Variants in MBNL2 observed in about 807,000 individuals in gnomAD.
The protein encoded by MBNL2 is muscleblind like splicing regulator 2, also known as muscleblind-like protein 2.
MBNL2 carries 17 observed loss-of-function variants against 41.9 expected under a neutral mutation model. That is an observed-to-expected ratio of 0.41 (90% CI 0.28 to 0.61). The LOEUF is 0.61. MBNL2 is among the 20% of genes least tolerant of loss of function. MBNL2 has a pLI of 0.35. For missense variants in MBNL2, 336 were observed against 505.6 expected (o/e 0.66, Z 3.22); for synonymous variants, 195 against 182.9 (o/e 1.07, Z -0.53).
chr13:97,152,931 T>C, the MBNL2 span, among the ~76,000 whole-genome samples: 2 of 152,076 alleles, frequency 1.3e-5, no homozygotes, highest in South Asian at 4.2e-4. Context: ...CAGTGGTAAA[T>C]CTAGAGAATA....
the MBNL2 span, among the ~76,000 whole-genome samples, chr13:97,150,650 G>T: frequency 1.3e-5 from 2 of 152,148 alleles, no homozygotes; most frequent in Non-Finnish European, 2.9e-5. Context: ...AACAATTGGG[G>T]CTGTTTATGC....
rs1190724998 is a variant in MBNL2 at position 97,291,335 on chromosome 13, G to A, written c.174+14926G>A. On this transcript the variant is annotated intron_variant, in intron 2 of 8. Coordinates refer to ENST00000679496, the MANE Select transcript of MBNL2 (RefSeq NM_001382683.1). The stretch of plus-strand genomic sequence containing the variant: ...TGGCTCACTGTACCCTCTGCCTCCC[G>A]GGTTCAAGCGATTCTCCTGCCTCAG... Among the ~76,000 whole-genome samples the A allele has an allele frequency of 4.6e-5, 7 of 151,890 alleles. No individual in the cohort carries two copies. In the East Asian group the frequency reaches 7.8e-4, roughly 17 times the overall value.
the MBNL2 span, among the ~76,000 whole-genome samples, chr13:97,188,910 C>G: frequency 6.6e-6 from 1 of 151,940 alleles, no homozygotes; most frequent in African/African-American, 2.4e-5. Context: ...CCCTCTGAAA[C>G]CGCTACACCT....
intron 2 of MBNL2, among the ~76,000 whole-genome samples, chr13:97,293,858 A>G (rs1457016585): frequency 6.6e-6 from 1 of 151,888 alleles, no homozygotes; most frequent in East Asian, 1.9e-4. Context: ...TTACATGAGT[A>G]AGTTCTTTAC....
At chr13:97,264,793 C>G (rs2049396481) in intron 1 of MBNL2, among the ~76,000 whole-genome samples, 1 of 152,202 alleles carries the variant, frequency 6.6e-6, no homozygotes, top group Non-Finnish European at 1.5e-5. Context: ...GAAAGTGGTT[C>G]TGTCCACCCA....
the MBNL2 span, among the ~76,000 whole-genome samples, chr13:97,148,281 C>T: frequency 5.9e-5 from 9 of 151,978 alleles, no homozygotes; most frequent in African/African-American, 2.2e-4. Flanking sequence ...GACAATTCTG[C>T]CTGTAGGACC....
At position 97,334,008 on chromosome 13, in the gene MBNL2, AAG is replaced by A. The variant is rs144525170; in HGVS notation, c.175-259_175-258del. Among the ~76,000 whole-genome samples, 1 of 141,542 alleles carries A rather than the reference AAG, an allele frequency of 7.1e-6. No individual in the cohort carries two copies. The highest frequency in any genetic ancestry group is 1.5e-5 in the Non-Finnish European group (1 of 65,392). The allele number at this position is 141,542 out of a possible 152,430, so 92.9% of individuals were successfully genotyped here. On this transcript the variant is annotated intron_variant, in intron 2 of 8. Coordinates refer to ENST00000679496, the MANE Select transcript of MBNL2 (RefSeq NM_001382683.1). The surrounding 1 kb of genome is among the most constrained non-coding windows in gnomAD (Gnocchi z 5.3). ...GGAGGGAAAGAAAGAGAAAGAGAGA[AAG>A]AGAGAGAGGGAGGGAGGGAGGGAAA...
At chr13:97,339,980 T>G (rs1305726943) in intron 3 of MBNL2, among the ~76,000 whole-genome samples, 2 of 151,476 alleles carry the variant, frequency 1.3e-5, no homozygotes, top group African/African-American at 4.9e-5. Flanking sequence ...GAGTCCCGGG[T>G]GTTCTGCCTT....
intron 2 of MBNL2, among the ~76,000 whole-genome samples, chr13:97,323,203 A>C (rs918900293): frequency 6.6e-6 from 1 of 152,234 alleles, no homozygotes; most frequent in Non-Finnish European, 1.5e-5. Context: ...TTCACCATAT[A>C]GTATTGCAAT....
chr13:97,152,429 A>C, the MBNL2 span, among the ~76,000 whole-genome samples: 1 of 152,180 alleles, frequency 6.6e-6, no homozygotes, highest in Non-Finnish European at 1.5e-5. Context: ...ATGAGTTTTC[A>C]CATTAAAAGT....
the MBNL2 span, among the ~76,000 whole-genome samples, chr13:97,166,781 T>TTGA: frequency 7.6e-6 from 1 of 130,806 alleles, no homozygotes; most frequent in Non-Finnish European, 1.6e-5. Flanking sequence ...TAAACTTCCC[T>TTGA]TGATAGATAG....
chr13:97,170,463 G>A, the MBNL2 span, among the ~76,000 whole-genome samples: 2 of 152,174 alleles, frequency 1.3e-5, no homozygotes, highest in Admixed American at 6.5e-5. Flanking sequence ...GCCACACCAC[G>A]CAGGGATATA....
intron 1 of MBNL2, among the ~76,000 whole-genome samples, chr13:97,223,599 C>T (rs2041134239): frequency 1.3e-5 from 2 of 152,172 alleles, no homozygotes; most frequent in African/African-American, 4.8e-5. Flanking sequence ...CTACAAGAAA[C>T]ATTACTGTCC....
At chr13:97,142,911 C>CA in the MBNL2 span, among the ~76,000 whole-genome samples, 7 of 151,780 alleles carry the variant, frequency 4.6e-5, no homozygotes, top group Non-Finnish European at 7.4e-5. Flanking sequence ...TAGAAAAAAA[C>CA]AAAAAAATGA....
At chr13:97,194,305 C>T in the MBNL2 span, among the ~76,000 whole-genome samples, 1 of 152,220 alleles carries the variant, frequency 6.6e-6, no homozygotes, top group Non-Finnish European at 1.5e-5. Context: ...ATCTTCAATG[C>T]CTACCACTGT....
chr13:97,307,240 T>G (rs1315222842), intron 2 of MBNL2, among the ~76,000 whole-genome samples: 1 of 152,156 alleles, frequency 6.6e-6, no homozygotes, highest in Non-Finnish European at 1.5e-5. Context: ...CCTCTCCTTA[T>G]TTTTCTTGGT....
chr13:97,338,652 G>A (rs1195182316), intron 3 of MBNL2, among the ~76,000 whole-genome samples: 1 of 152,022 alleles, frequency 6.6e-6, no homozygotes, highest in Non-Finnish European at 1.5e-5. Context: ...CCCAGAGCGC[G>A]CACCGCCTTC....
intron 1 of MBNL2, among the ~76,000 whole-genome samples, chr13:97,266,827 T>A (rs1197143645): frequency 6.6e-6 from 1 of 152,126 alleles, no homozygotes; most frequent in Non-Finnish European, 1.5e-5. Context: ...GTAATTAGAT[T>A]TATATAAAAA....
intron 2 of MBNL2, among the ~76,000 whole-genome samples, chr13:97,321,866 T>C (rs1414666677): frequency 1.3e-5 from 2 of 152,200 alleles, no homozygotes; most frequent in Non-Finnish European, 2.9e-5. Flanking sequence ...TGTATGCCCA[T>C]GGAAAGTTAT....
Sources: gnomAD v4.1 joint callset for allele counts (sites outside exome capture counted in the v4.1 genomes callset) on GRCh38, gnomAD v4.1.1 for gene constraint, Gnocchi (gnomAD v3.1) non-coding constraint, MANE v1.5 for transcripts, NCBI Gene and HGNC (gene_info 2026-07-23, HGNC 2026-07-21) for gene names.